ME2: variants seen among roughly 807,000 people sequenced by gnomAD.
The protein encoded by ME2 is NAD-dependent malic enzyme, mitochondrial.
A neutral mutation model predicts 73.7 loss-of-function variants in ME2; 60 were observed. That is an observed-to-expected ratio of 0.81 (90% confidence interval 0.66 to 1.01). The LOEUF (loss-of-function observed/expected upper bound fraction) is 1.01. Ranked by LOEUF, ME2 falls within the 50% of genes least tolerant of loss-of-function variation. The probability of loss-of-function intolerance (pLI) is 0.00; values close to 1 mark genes in which losing one functional copy is unlikely to be tolerated. For missense variants in ME2, 594 were observed against 705.5 expected (o/e 0.84, Z 1.79); for synonymous variants, 199 against 236.9 (o/e 0.84, Z 1.47).
Position 50,941,353 on chromosome 18 carries a change from C to CTTTTTTTTTTTTTTTTTTT in ME2, c.1587+980_1587+998dup, listed in dbSNP as rs57428974. On this transcript the variant is annotated intron_variant, in intron 15 of 15. Transcript: ENST00000321341. ...TCTTTGTGTGTATTTGTGATGGTTT[C>CTTTTTTTTTTTTTTTTTTT]TTTTTTTTTTTTTTTTTTTTTTTTT... Among the ~76,000 whole-genome samples the CTTTTTTTTTTTTTTTTTTT allele has an allele frequency of 1.3e-4, 8 of 63,820 alleles. 2 individuals are homozygous for CTTTTTTTTTTTTTTTTTTT. Among genetic ancestry groups the CTTTTTTTTTTTTTTTTTTT allele is most frequent in the African/African-American group, 6.4e-4 (8 of 12,418 alleles). 41.9% of individuals were successfully genotyped at this position (63,820 alleles called of 152,430 possible). A position where few individuals can be genotyped will look rare whatever the true frequency, so the allele number is the denominator to read the frequency against.
At chr18:50,889,994 T>C in intron 1 of ME2, among the ~76,000 whole-genome samples, 1 of 152,076 alleles carries the variant, frequency 6.6e-6, no homozygotes. Context: ...AAAAATAGTA[T>C]CAAAGGTCAC....
chr18:50,948,254 AG>A lies in ME2; in HGVS notation c.*1072del, dbSNP rs1918136176. The A allele has an allele frequency of 6.6e-6, 1 of 152,328 alleles. No individual in the cohort carries two copies. The highest frequency in any genetic ancestry group is 2.1e-4 in the South Asian group (1 of 4,830). 9.4% of individuals were successfully genotyped at this position (152,328 alleles called of 1,614,324 possible). ...ATTTAGAGCTAAATGGGGATGAATA[AG>A]GTTGGTGTTCATCTGGGAAATGCCT... is the stretch of plus-strand genomic sequence containing the variant. On this transcript the variant is annotated 3_prime_UTR_variant, in exon 16 of 16. Transcript: ENST00000321341.
rs1171578347 is a variant in ME2 at position 50,953,127 on chromosome 18, C to G, written c.*5943C>G. 1.4e-5 allele frequency: 2 copies of G among 147,270 alleles called. No homozygotes were observed. Among genetic ancestry groups the G allele is most frequent in the East Asian group, 2.0e-4 (1 of 5,078 alleles). 9.1% of individuals were successfully genotyped at this position (147,270 alleles called of 1,614,324 possible). ...TTTTTTTTTCTTTTCTTTGAGACAGCCTTGCTCTGTCTCCCAGGCTGGAGT... is the reference window on the plus strand; with the variant it reads ...TTTTTTTTTCTTTTCTTTGAGACAGGCTTGCTCTGTCTCCCAGGCTGGAGT... On this transcript the variant is annotated 3_prime_UTR_variant, in exon 16 of 16. Transcript: ENST00000321341.
chr18:50,913,860 T>TACACACACAC (rs1555677139), intron 4 of ME2, among the ~76,000 whole-genome samples: 6,003 of 143,220 alleles, frequency 0.042, 230 homozygotes, highest in African/African-American at 0.1. Flanking sequence ...AGCAATATTA[T>TACACACACAC]ACACACACAC....
Position 50,924,218 on chromosome 18 carries a change from TA to T in ME2, c.1171+9del. On this transcript the variant is annotated splice_region_variant and intron_variant, in intron 11 of 15. Coordinates refer to ENST00000321341, the MANE Select transcript of ME2 (RefSeq NM_002396.5). Reference sequence around the variant, plus strand: ...GAAGCCTTCAACTATAATTGGTAGGTAAAGTTTTTCTGATAAATAATTTTAC... The same window carrying T: ...GAAGCCTTCAACTATAATTGGTAGGTAAGTTTTTCTGATAAATAATTTTAC... 6.4e-7 allele frequency: 1 copy of T among 1,571,854 alleles called. No homozygotes were observed. Among genetic ancestry groups the T allele is most frequent in the Admixed American group, 1.7e-5 (1 of 57,682 alleles).
Position 50,920,697 on chromosome 18 carries a change from C to T in ME2, c.881C>T (p.Ala294Val), listed in dbSNP as rs754849203. 2.5e-6 allele frequency: 4 copies of T among 1,612,184 alleles called. No homozygotes were observed. The highest frequency in any genetic ancestry group is 2.7e-5 in the African/African-American group (2 of 74,834). Residue 294 changes from alanine to valine, a missense_variant, in exon 9 of 16, where the codon GCA (alanine) becomes GTA (valine). Ala to Val is a moderately conservative substitution (Grantham distance 64). Transcript: ENST00000321341. Reference sequence around the variant, plus strand: ...GTAGCTCTAGCAGGTCTTCTTGCAGCACAAAAAGTTATTAGTAAACCAATC... The same window carrying T: ...GTAGCTCTAGCAGGTCTTCTTGCAGTACAAAAAGTTATTAGTAAACCAATC... The part of the protein sequence containing the change: ...AAVALAGLLA[A>V]QKVISKPISE...
chr18:50,893,288 T>C (rs2144192810), intron 1 of ME2, among the ~76,000 whole-genome samples: 1 of 152,276 alleles, frequency 6.6e-6, no homozygotes, highest in East Asian at 1.9e-4. Flanking sequence ...GTAGCATAAA[T>C]TAATTTCTAA....
At chr18:50,912,517 A>AGTGC (rs972354328) in intron 3 of ME2, among the ~76,000 whole-genome samples, 1 of 152,220 alleles carries the variant, frequency 6.6e-6, no homozygotes, top group African/African-American at 2.4e-5. Context: ...TTGCATTTCC[A>AGTGC]GTGCCTTCTA....
intron 11 of ME2, among the ~76,000 whole-genome samples, chr18:50,925,248 G>A (rs1379446494): frequency 6.6e-6 from 1 of 152,144 alleles, no homozygotes; most frequent in South Asian, 2.1e-4. Context: ...GGAGGCCGAG[G>A]CAGGCGGATC....
At chr18:50,918,954 C>T (rs1413288061) in intron 7 of ME2, among the ~76,000 whole-genome samples, 1 of 152,170 alleles carries the variant, frequency 6.6e-6, no homozygotes, top group East Asian at 1.9e-4. Context: ...CCTTTCCAAA[C>T]AACCTATCTT....
chr18:50,920,632 A>G, intron 8 of ME2, 29 bp from the exon 9 acceptor site: 1 of 1,578,416 alleles, frequency 6.3e-7, no homozygotes, highest in Non-Finnish European at 8.6e-7. Flanking sequence ...CCCATTTTTT[A>G]TTTGTAAAAA....
intron 15 of ME2, among the ~76,000 whole-genome samples, chr18:50,941,213 A>G (rs1917943462): frequency 6.9e-6 from 1 of 145,580 alleles, no homozygotes; most frequent in Non-Finnish European, 1.5e-5. Context: ...GTGAGCTGAG[A>G]TCGTGCCATT....
chr18:50,894,213 C>T (rs1916675596), intron 1 of ME2, among the ~76,000 whole-genome samples: 2 of 152,216 alleles, frequency 1.3e-5, no homozygotes, highest in South Asian at 4.1e-4. Flanking sequence ...AGCAAAGTTA[C>T]TTGCAAACTG....
intron 13 of ME2, chr18:50,934,070 A>G (rs1023199071): frequency 3.3e-5 from 5 of 152,004 alleles, no homozygotes; most frequent in Non-Finnish European, 7.4e-5. Flanking sequence ...TACTTTATCC[A>G]GTTTACCATT....
At chr18:50,900,227 T>C (rs888759587) in intron 2 of ME2, among the ~76,000 whole-genome samples, 1 of 151,686 alleles carries the variant, frequency 6.6e-6, no homozygotes, top group Non-Finnish European at 1.5e-5. Flanking sequence ...TTTTTTTTTT[T>C]AAATAAGAAT....
At chr18:50,937,547 A>G (rs773902170) in intron 13 of ME2, among the ~76,000 whole-genome samples, 4 of 152,206 alleles carry the variant, frequency 2.6e-5, no homozygotes, top group Non-Finnish European at 4.4e-5. Context: ...GATTTTCATA[A>G]AAGAGACCAA....
At chr18:50,935,955 C>A (rs535466008) in intron 13 of ME2, among the ~76,000 whole-genome samples, 89 of 151,568 alleles carry the variant, frequency 5.9e-4, no homozygotes, top group African/African-American at 2.1e-3. Flanking sequence ...GAAGCAGAGG[C>A]AACATGTGCC....
chr18:50,890,293 T>C (rs1393636790), intron 1 of ME2, among the ~76,000 whole-genome samples: 1 of 152,180 alleles, frequency 6.6e-6, no homozygotes, highest in Non-Finnish European at 1.5e-5. Flanking sequence ...TTTGTACTTT[T>C]TGTAGAGACA....
intron 3 of ME2, 54 bp downstream of exon 3, chr18:50,908,250 A>T: frequency 7.5e-7 from 1 of 1,335,090 alleles, no homozygotes; most frequent in African/African-American, 1.5e-5. Context: ...TAGAAAACTT[A>T]TGAGCATTAT....
Sources: allele counts gnomAD v4.1 joint callset (sites outside exome capture counted in the v4.1 genomes callset), GRCh38; gene constraint gnomAD v4.1.1; transcripts MANE v1.5; gene names NCBI Gene and HGNC (gene_info 2026-07-23, HGNC 2026-07-21).